Variants in NAA11 observed in about 807,000 individuals in gnomAD.
The protein encoded by NAA11 is N-alpha-acetyltransferase 11, NatA catalytic subunit.
A neutral mutation model predicts 16.1 loss-of-function variants in NAA11; 15 were observed. The ratio of observed to expected loss-of-function variants is 0.93; its 90% CI spans 0.62 to 1.44. The LOEUF is 1.44. Ranked by LOEUF, NAA11 falls within the 40% of genes most tolerant of loss-of-function variation. NAA11 has a pLI of 0.00. For missense variants in NAA11, 298 were observed against 291.3 expected, an observed-to-expected ratio of 1.02 and a Z score of -0.17; for synonymous variants, 122 against 112.4, an observed-to-expected ratio of 1.09 and a Z score of -0.54.
chr4:79,156,877 G>A, the NAA11 span, among the ~76,000 whole-genome samples: 2 of 152,112 alleles, frequency 1.3e-5, no homozygotes, highest in Admixed American at 1.3e-4. Context: ...CACAACTGTG[G>A]TAATGAGAAG....
the NAA11 span, among the ~76,000 whole-genome samples, chr4:79,196,974 A>AAAAAAAAAAG: frequency 6.7e-6 from 1 of 149,034 alleles, no homozygotes; most frequent in South Asian, 2.1e-4. Context: ...AAAAAAAAAA[A>AAAAAAAAAAG]AAAAAAAAGA....
At chr4:79,230,296 G>T (rs1383150548) in intron 2 of NAA11, among the ~76,000 whole-genome samples, 1 of 151,738 alleles carries the variant, frequency 6.6e-6, no homozygotes, top group Non-Finnish European at 1.5e-5. Flanking sequence ...AGAGGGGAGG[G>T]ATAGCATTGG....
At chr4:79,162,550 C>T in the NAA11 span, among the ~76,000 whole-genome samples, 2 of 152,158 alleles carry the variant, frequency 1.3e-5, no homozygotes, top group East Asian at 3.8e-4. Flanking sequence ...TGTAAATGGT[C>T]TTATGGTGTA....
chr4:79,210,576 G>C, the NAA11 span, among the ~76,000 whole-genome samples: 1 of 151,982 alleles, frequency 6.6e-6, no homozygotes, highest in African/African-American at 2.4e-5. Flanking sequence ...TATAGTAAAG[G>C]AATGACAAAA....
At chr4:79,302,527 T>A (rs1723422411) in intron 1 of NAA11, among the ~76,000 whole-genome samples, 1 of 152,206 alleles carries the variant, frequency 6.6e-6, no homozygotes, top group Non-Finnish European at 1.5e-5. Context: ...TAACAAAGTC[T>A]CATTTTTTTG....
At chr4:79,210,995 A>G in the NAA11 span, among the ~76,000 whole-genome samples, 2 of 152,184 alleles carry the variant, frequency 1.3e-5, no homozygotes, top group Non-Finnish European at 2.9e-5. Flanking sequence ...ACATTTGTCT[A>G]TTATGGAATC....
the NAA11 span, among the ~76,000 whole-genome samples, chr4:79,170,827 A>G: frequency 6.6e-5 from 10 of 152,268 alleles, no homozygotes; most frequent in African/African-American, 2.4e-4. Flanking sequence ...ATGTTAGAGA[A>G]AAAGCCAAAA....
downstream of NAA11, among the ~76,000 whole-genome samples, chr4:79,313,874 G>A (rs1025932205): frequency 4.6e-5 from 7 of 152,310 alleles, no homozygotes; most frequent in African/African-American, 1.4e-4. Flanking sequence ...ATGGAAGGAC[G>A]TGGTTCCAGA....
At chr4:79,316,191 G>A (rs758774494), downstream of NAA11, among the ~76,000 whole-genome samples, 1 of 152,156 alleles carries the variant, frequency 6.6e-6, no homozygotes, top group Non-Finnish European at 1.5e-5. Context: ...TCATCAGTAA[G>A]ATTATGCTGC....
chr4:79,180,509 A>G, the NAA11 span, among the ~76,000 whole-genome samples: 5 of 152,304 alleles, frequency 3.3e-5, no homozygotes, highest in Admixed American at 1.3e-4. Flanking sequence ...TCAGAGAAAT[A>G]CAAATCAAAA....
the NAA11 span, among the ~76,000 whole-genome samples, chr4:79,189,019 G>A: frequency 1.3e-5 from 2 of 151,544 alleles, no homozygotes; most frequent in African/African-American, 4.8e-5. Flanking sequence ...GGTGGCAGGT[G>A]CCTGTAGTCC....
the NAA11 span, among the ~76,000 whole-genome samples, chr4:79,195,634 C>T: frequency 2.6e-5 from 4 of 152,010 alleles, no homozygotes; most frequent in African/African-American, 7.2e-5. Context: ...GGACACAAAA[C>T]CTATTGATAT....
intron 2 of NAA11, among the ~76,000 whole-genome samples, chr4:79,252,550 G>T (rs562878900): frequency 6.6e-6 from 1 of 152,208 alleles, no homozygotes; most frequent in South Asian, 2.1e-4. Flanking sequence ...AAAAAACATG[G>T]TAATGGCATA....
intron 1 of NAA11, chr4:79,308,776 C>A (rs757536062): frequency 6.6e-6 from 1 of 151,666 alleles, no homozygotes; most frequent in Admixed American, 6.6e-5. Flanking sequence ...GGATTAAAAA[C>A]TAAAAAAAAA....
At chr4:79,194,485 A>G in the NAA11 span, among the ~76,000 whole-genome samples, 27 of 152,202 alleles carry the variant, frequency 1.8e-4, no homozygotes, top group African/African-American at 6.5e-4. Context: ...GAAGTGTAAC[A>G]GTGTGACTCT....
chr4:79,274,668 T>C (rs1031055235), intron 2 of NAA11, among the ~76,000 whole-genome samples: 3 of 151,988 alleles, frequency 2.0e-5, no homozygotes, highest in Admixed American at 2.0e-4. Context: ...AGTATGAGAA[T>C]AAAATGAATT....
the NAA11 span, among the ~76,000 whole-genome samples, chr4:79,214,096 A>G: frequency 2.6e-5 from 4 of 152,222 alleles, no homozygotes; most frequent in African/African-American, 9.6e-5. Flanking sequence ...AATGTTCCAA[A>G]TGCCCCTCTA....
At chr4:79,206,916 G>T in the NAA11 span, among the ~76,000 whole-genome samples, 2 of 152,040 alleles carry the variant, frequency 1.3e-5, no homozygotes, top group African/African-American at 4.8e-5. Context: ...CAAAGAACAA[G>T]AATTTCAAAC....
At chr4:79,271,571 G>T (rs964668556) in intron 2 of NAA11, among the ~76,000 whole-genome samples, 2 of 151,948 alleles carry the variant, frequency 1.3e-5, no homozygotes, top group Non-Finnish European at 2.9e-5. Context: ...TTAATTAGGG[G>T]AAATAATTCT....
Sources: gnomAD v4.1 joint callset for allele counts (sites outside exome capture counted in the v4.1 genomes callset) on GRCh38, gnomAD v4.1.1 for gene constraint, MANE v1.5 for transcripts, NCBI Gene and HGNC (gene_info 2026-07-23, HGNC 2026-07-21) for gene names.